Variants in STAB1 observed in about 807,000 individuals in gnomAD.
STAB1 encodes stabilin 1, also known as stabilin-1.
A neutral mutation model predicts 332.4 loss-of-function variants in STAB1; 250 were observed. That is an observed-to-expected ratio of 0.75 (90% CI 0.68 to 0.84). The LOEUF (loss-of-function observed/expected upper bound fraction) is 0.84. Among genes scored for constraint, STAB1 ranks in the 40% least tolerant of loss-of-function variants. The probability of loss-of-function intolerance (pLI) is 0.00; values close to 1 mark genes in which losing one functional copy is unlikely to be tolerated. For synonymous variants in STAB1, 1,475 were observed against 1,390.4 expected (o/e 1.06, Z -1.35); for missense variants, 3,249 against 3,489.7 (o/e 0.93, Z 1.74).
chr3:52,518,388 C>T (rs1403454085), intron 46 of STAB1, 29 bp downstream of exon 46: 1 of 1,608,274 alleles, frequency 6.2e-7, no homozygotes. Flanking sequence ...CCTCTGTGAC[C>T]TGCAAGTCCC....
chr3:52,512,728 C>T (rs1177492163), intron 28 of STAB1, 85 bp downstream of exon 28: 10 of 1,611,008 alleles, frequency 6.2e-6, no homozygotes, highest in Middle Eastern at 1.7e-4. Flanking sequence ...CATCTCCAAG[C>T]GTGGGAGGTT....
rs1293071604 is a variant in STAB1 at position 52,523,935 on chromosome 3, G to A, written c.7460G>A (p.Gly2487Glu). The change falls in exon 67 of 69, where the codon GGA becomes GAA. Residue 2487 changes from glycine to glutamate, a missense_variant. By Grantham distance (98) the Gly-to-Glu change is moderately conservative. Coordinates refer to ENST00000321725, the MANE Select transcript of STAB1 (RefSeq NM_015136.3). Reference sequence around the variant, plus strand: ...GGCGTGGGGGCTGTGCTTGCCGCTGGAGCACTGCTTGGCTTGGTGGCCGGA... The same window carrying A: ...GGCGTGGGGGCTGTGCTTGCCGCTGAAGCACTGCTTGGCTTGGTGGCCGGA... ...AAGVGAVLAA[G>E]ALLGLVAGAL... 6.2e-6 allele frequency: 10 copies of A among 1,610,342 alleles called. No homozygotes were observed. Among genetic ancestry groups the A allele is most frequent in the Non-Finnish European group, 8.5e-6 (10 of 1,179,932 alleles).
chr3:52,504,589 ACCT>A, intron 11 of STAB1, 40 bp downstream of exon 11: 1 of 1,612,730 alleles, frequency 6.2e-7, no homozygotes, highest in Non-Finnish European at 8.5e-7. Flanking sequence ...ACTGGCCCTC[ACCT>A]CCTCCCCTGG....
At chr3:52,509,187 C>T (rs368948262) in intron 21 of STAB1, 23 bp from the exon 22 acceptor site, 5 of 1,608,036 alleles carry the variant, frequency 3.1e-6, no homozygotes, top group Middle Eastern at 3.3e-4. Context: ...CATGACTGAT[C>T]CTGCCTTCTG....
rs1310784915 is a variant in STAB1, at chr3:52,519,319, T to C, written c.5090T>C (p.Val1697Ala). The change falls in exon 49 of 69, where the codon GTG (valine) becomes GCG (alanine). Residue 1697 changes from valine to alanine, a missense_variant. Coordinates refer to ENST00000321725, the MANE Select transcript of STAB1 (RefSeq NM_015136.3). ...GTGGTGAGCAGCGACCATGAGGCCG[T>C]GAACGGCATCCTGCACTTCATTGAC... ...ARVVSSDHEA[V>A]NGILHFIDRV... is the part of the protein sequence containing the mutation. 6.2e-7 allele frequency: 1 copy of C among 1,613,112 alleles called. No individual in the cohort carries two copies. The highest frequency in any genetic ancestry group is 8.5e-7 in the Non-Finnish European group (1 of 1,180,002).
In STAB1 at chr3:52,505,916, CACATCTACAA is replaced by C. The variant is rs1708823533; in HGVS notation, c.1730_1739del (p.His577ProfsTer5). 6.2e-7 allele frequency: 1 copy of C among 1,613,726 alleles called. No individual in the cohort carries two copies. The highest frequency in any genetic ancestry group is 1.3e-5 in the African/African-American group (1 of 74,942). On this transcript the variant is annotated frameshift_variant, in exon 16 of 69. Coordinates refer to ENST00000321725, the MANE Select transcript of STAB1 (RefSeq NM_015136.3). LOFTEE classifies it high-confidence loss of function. ...TAAACTGCAGGAGTTGGTGCGGTACCACATCTACAACCACGGCCAGGTGCGAGGTCTTTTT... is the reference window on the plus strand; with the variant it reads ...TAAACTGCAGGAGTTGGTGCGGTACCCCACGGCCAGGTGCGAGGTCTTTTT...
chr3:52,515,167 TG>T, intron 36 of STAB1, 122 bp downstream of exon 36: 2 of 1,307,446 alleles, frequency 1.5e-6, no homozygotes. Flanking sequence ...CTCAGGGAAC[TG>T]GGTGGCTGAC....
At chr3:52,508,910 C>A (rs1709088179) in intron 21 of STAB1, among the ~76,000 whole-genome samples, 1 of 152,092 alleles carries the variant, frequency 6.6e-6, no homozygotes, top group Admixed American at 6.6e-5. Context: ...TGGTGGTTTT[C>A]TTTTGTGTTC....
At chr3:52,520,779 C>T in intron 54 of STAB1, 25 bp from the exon 55 acceptor site, 2 of 1,612,736 alleles carry the variant, frequency 1.2e-6, no homozygotes, top group Admixed American at 1.7e-5. Context: ...AACCACCCAA[C>T]TGCGGCCTGA....
At position 52,512,922 on chromosome 3, in the gene STAB1, T is replaced by A. The variant is rs1478172359; in HGVS notation, c.3122T>A (p.Phe1041Tyr). 46 of 1,611,902 alleles carry A rather than the reference T, an allele frequency of 2.9e-5. No individual in the cohort carries two copies. Among genetic ancestry groups the A allele is most frequent in the Non-Finnish European group, 3.9e-5 (46 of 1,179,728 alleles). ...CAGCTGAGCCCCGAGGACCGAGCTT[T>A]CTGGCTGCAGCCAAGGACGCTGCCG... ...VRQLSPEDRA[F>Y]WLQPRTLPNL... Residue 1041 changes from phenylalanine to tyrosine, a missense_variant, in exon 29 of 69, where the codon TTC becomes TAC. Coordinates refer to ENST00000321725, the MANE Select transcript of STAB1 (RefSeq NM_015136.3).
At chr3:52,503,957 C>T (rs1013001978) in intron 9 of STAB1, 55 bp downstream of exon 9, 31 of 1,594,108 alleles carry the variant, frequency 1.9e-5, no homozygotes, top group Non-Finnish European at 2.6e-5. Context: ...GTGCCCTCTG[C>T]GGGAAGGCGT....
chr3:52,515,111 A>G, intron 36 of STAB1, 66 bp downstream of exon 36: 1 of 1,575,354 alleles, frequency 6.3e-7, no homozygotes, highest in Non-Finnish European at 8.6e-7. Context: ...AAGGTGCCCA[A>G]TCCCCTCACC....
chr3:52,495,406 C>T lies in STAB1; in HGVS notation c.-8C>T. The T allele has an allele frequency of 7.5e-7, 1 of 1,338,260 alleles. No individual in the cohort carries two copies. Among genetic ancestry groups the T allele is most frequent in the Non-Finnish European group, 9.6e-7 (1 of 1,037,396 alleles). The allele number at this position is 1,338,260 out of a possible 1,614,324, so 82.9% of individuals were successfully genotyped here. Reference sequence around the variant, plus strand: ...CCGACTCTGTCCTGGACAGCGTGCCCACCAGCCATGGCGGGGCCCCGGGGC... The same window carrying T: ...CCGACTCTGTCCTGGACAGCGTGCCTACCAGCCATGGCGGGGCCCCGGGGC... On this transcript the variant is annotated 5_prime_UTR_variant, in exon 1 of 69. Transcript: ENST00000321725.
intron 21 of STAB1, 131 bp from the exon 22 acceptor site, chr3:52,509,079 G>C: frequency 2.5e-6 from 2 of 784,668 alleles, no homozygotes; most frequent in African/African-American, 3.5e-5. Flanking sequence ...TGATTTTGAA[G>C]ATCCCTTCCA....
At chr3:52,503,623 C>T in intron 8 of STAB1, 83 bp downstream of exon 8, 1 of 1,567,540 alleles carries the variant, frequency 6.4e-7, no homozygotes, top group Non-Finnish European at 8.7e-7. Context: ...CACAGGCCTT[C>T]TGGTAGCCTC....
At chr3:52,509,487 G>A in intron 22 of STAB1, 166 bp downstream of exon 22, 1 of 624,704 alleles carries the variant, frequency 1.6e-6, no homozygotes, top group Non-Finnish European at 2.8e-6. Context: ...CTCAAGAAGG[G>A]AAACGAAGCC....
intron 41 of STAB1, 91 bp downstream of exon 41, chr3:52,516,859 C>A: frequency 9.4e-6 from 15 of 1,597,136 alleles, no homozygotes; most frequent in East Asian, 2.2e-5. Context: ...GCCCAGCCCC[C>A]CTCACTGTCC....
chr3:52,512,707 G>A, intron 28 of STAB1, 64 bp downstream of exon 28: 2 of 1,612,608 alleles, frequency 1.2e-6, no homozygotes, highest in South Asian at 1.1e-5. Context: ...GGATGGAGGG[G>A]TGCCATATAA....
rs983483731 is a variant in STAB1 at position 52,520,186 on chromosome 3, A to G, written c.5413-18A>G. 9.3e-6 allele frequency: 15 copies of G among 1,612,882 alleles called. No individual in the cohort carries two copies. Among genetic ancestry groups the G allele is most frequent in the Non-Finnish European group, 1.3e-5 (15 of 1,179,990 alleles). On this transcript the variant is annotated intron_variant, in intron 51 of 68. Transcript: ENST00000321725. ...TCAGCCTGCCTTTCCACCTCCAACC[A>G]TGACTCCACTTGCTCAGGCCTTGGC...
Sources: allele counts gnomAD v4.1 joint callset (sites outside exome capture counted in the v4.1 genomes callset), GRCh38; gene constraint gnomAD v4.1.1; transcripts MANE v1.5; gene names NCBI Gene and HGNC (gene_info 2026-07-23, HGNC 2026-07-21).